The following FHAD1 variants were observed in gnomAD, a reference collection of about 807,000 sequenced individuals.
The protein encoded by FHAD1 is forkhead associated phosphopeptide binding domain 1.
Under a neutral mutation model 191.3 loss-of-function variants are expected in FHAD1, and 146 were observed. The ratio of observed to expected loss-of-function variants is 0.76; its 90% CI spans 0.67 to 0.88. The LOEUF (loss-of-function observed/expected upper bound fraction) is 0.88. FHAD1 is among the 40% of genes least tolerant of loss of function. The pLI is 0.00. For synonymous variants in FHAD1, 616 were observed against 672.3 expected (o/e 0.92, Z 1.29); for missense variants, 1,635 against 1,785.8 (o/e 0.92, Z 1.52).
intron 16 of FHAD1, among the ~76,000 whole-genome samples, chr1:15,342,655 T>C (rs1193422320): frequency 1.3e-5 from 2 of 152,166 alleles, no homozygotes; most frequent in African/African-American, 4.8e-5. Context: ...ATCACTGTCC[T>C]AGAGTTGGCC....
chr1:15,262,567 A>G (rs963212952), intron 2 of FHAD1, among the ~76,000 whole-genome samples: 2 of 152,184 alleles, frequency 1.3e-5, no homozygotes, highest in African/African-American at 4.8e-5. Flanking sequence ...CACAACATGT[A>G]TTTTGTGACT....
chr1:15,290,905 G>A (rs1399414642), intron 4 of FHAD1, among the ~76,000 whole-genome samples: 1 of 151,628 alleles, frequency 6.6e-6, no homozygotes, highest in Non-Finnish European at 1.5e-5. Flanking sequence ...TAGTAGAGAT[G>A]GGGTTTCACC....
intron 20 of FHAD1, among the ~76,000 whole-genome samples, chr1:15,357,516 G>C (rs1278232560): frequency 1.3e-5 from 2 of 151,924 alleles, no homozygotes; most frequent in Non-Finnish European, 2.9e-5. Context: ...CCAGCTACTT[G>C]GGAGGCTGAA....
chr1:15,288,712 G>T (rs184727904), intron 3 of FHAD1, among the ~76,000 whole-genome samples: 1 of 152,244 alleles, frequency 6.6e-6, no homozygotes, highest in Admixed American at 6.5e-5. Flanking sequence ...CCTTAGAGGG[G>T]ACATTCTCCT....
At chr1:15,248,197 A>C (rs1417328472) in intron 1 of FHAD1, among the ~76,000 whole-genome samples, 1 of 152,158 alleles carries the variant, frequency 6.6e-6, no homozygotes, top group Admixed American at 6.5e-5. Flanking sequence ...ACTGAGCACC[A>C]CTATGTGTCA....
intron 1 of FHAD1, among the ~76,000 whole-genome samples, chr1:15,251,283 A>AAC: frequency 9.0e-6 from 1 of 111,010 alleles, no homozygotes; most frequent in Middle Eastern, 4.2e-3. Context: ...CAAAAAAAAA[A>AAC]AACAAAAAAA....
chr1:15,400,865 G>A (rs1707092601), downstream of FHAD1, among the ~76,000 whole-genome samples: 1 of 152,228 alleles, frequency 6.6e-6, no homozygotes, highest in Non-Finnish European at 1.5e-5. Flanking sequence ...CACTTTTCAA[G>A]TTTCTACTTG....
At chr1:15,280,241 A>G (rs1319155469) in intron 3 of FHAD1, among the ~76,000 whole-genome samples, 1 of 152,190 alleles carries the variant, frequency 6.6e-6, no homozygotes, top group Admixed American at 6.5e-5. Flanking sequence ...ACACTTCAGA[A>G]GAAACGTCTC....
At position 15,358,139 on chromosome 1, in the gene FHAD1, C is replaced by T. The variant is rs539774929; in HGVS notation, c.2592C>T (p.Asp864=). The change falls in exon 21 of 34, where the codon GAC becomes GAT. Residue 864 remains aspartate, a synonymous_variant. Transcript: ENST00000688493. ...EELELKEQKE[D]VLNNKLSDAL... ...TAGAATTAAAAGAGCAAAAAGAGGA[C>T]GTTTTAAATAATAAATTAAGTGACG... The T allele has an allele frequency of 1.3e-6, 2 of 1,511,334 alleles. No individual in the cohort carries two copies. Among genetic ancestry groups the T allele is most frequent in the Non-Finnish European group, 1.8e-6 (2 of 1,136,954 alleles). 93.6% of individuals were successfully genotyped at this position (1,511,334 alleles called of 1,614,324 possible).
intron 4 of FHAD1, among the ~76,000 whole-genome samples, chr1:15,294,379 G>A (rs908082808): frequency 3.3e-5 from 5 of 152,166 alleles, no homozygotes; most frequent in Non-Finnish European, 5.9e-5. Flanking sequence ...CCAGATAATT[G>A]TTTGTTGTGG....
rs1403563235 is a variant in FHAD1, at chr1:15,311,636, T to G, written c.1040-1421T>G. Among the ~76,000 whole-genome samples, 8 of 152,190 alleles carry G rather than the reference T, an allele frequency of 5.3e-5. No individual in the cohort carries two copies. The highest frequency in any genetic ancestry group is 7.3e-5 in the Non-Finnish European group (5 of 68,028). On this transcript the variant is annotated intron_variant, in intron 7 of 33. Transcript: ENST00000688493. The surrounding 1 kb of genome is among the most constrained non-coding windows in gnomAD (Gnocchi z 4.1). ...TTATTACACATCCTTGATTGTGCAATAAAGATTGATTCTTGATTGATACCC... is the reference window on the plus strand; with the variant it reads ...TTATTACACATCCTTGATTGTGCAAGAAAGATTGATTCTTGATTGATACCC...
intron 6 of FHAD1, among the ~76,000 whole-genome samples, chr1:15,306,480 C>T (rs754453485): frequency 3.3e-5 from 5 of 152,200 alleles, no homozygotes; most frequent in African/African-American, 1.2e-4. Flanking sequence ...GGGAAAATGT[C>T]TCCAGGACAT....
At chr1:15,371,133 G>A (rs1233533338) in intron 26 of FHAD1, among the ~76,000 whole-genome samples, 1 of 152,170 alleles carries the variant, frequency 6.6e-6, no homozygotes, top group Non-Finnish European at 1.5e-5. Context: ...ACTCCTGTTG[G>A]AATCCCAGGC....
intron 16 of FHAD1, among the ~76,000 whole-genome samples, chr1:15,343,504 T>G (rs573602606): frequency 3.9e-5 from 6 of 151,934 alleles, no homozygotes; most frequent in Admixed American, 2.0e-4. Context: ...CCTCCAGACC[T>G]CTCCCTCTTT....
chr1:15,308,598 C>T lies in FHAD1; in HGVS notation c.916-15C>T. On this transcript the variant is annotated splice_polypyrimidine_tract_variant and intron_variant, in intron 6 of 33. Coordinates refer to ENST00000688493, the MANE Select transcript of FHAD1 (RefSeq NM_001391957.1). ...TGGGCCAGCCCCCCTCTGACTGTGC[C>T]ACCTCCTCCCACAGATCAGTGCCCT... 6.4e-7 allele frequency: 1 copy of T among 1,551,542 alleles called. No individual in the cohort carries two copies. The highest frequency in any genetic ancestry group is 2.0e-5 in the Admixed American group (1 of 50,978).
intron 2 of FHAD1, among the ~76,000 whole-genome samples, chr1:15,270,665 A>T (rs1327704407): frequency 2.0e-5 from 3 of 152,216 alleles, no homozygotes; most frequent in Admixed American, 2.0e-4. Context: ...AAAGCTGGAC[A>T]GGGCACCCTG....
At chr1:15,252,357 A>C (rs1379048150) in intron 2 of FHAD1, among the ~76,000 whole-genome samples, 1 of 152,230 alleles carries the variant, frequency 6.6e-6, no homozygotes, top group Admixed American at 6.5e-5. Flanking sequence ...TTTTAACTGC[A>C]TGCAGATTAA....
chr1:15,251,733 C>T (rs1465856109), intron 1 of FHAD1, 38 bp from the exon 2 acceptor site: 5 of 1,461,838 alleles, frequency 3.4e-6, no homozygotes, highest in African/African-American at 1.4e-5. Flanking sequence ...TAGAGAACTA[C>T]ATTTTCTAAC....
chr1:15,366,284 C>CAAAAAAA (rs35252287), intron 24 of FHAD1, among the ~76,000 whole-genome samples: 31 of 44,428 alleles, frequency 7.0e-4, no homozygotes, highest in African/African-American at 2.0e-3. Flanking sequence ...GACTCTGTCT[C>CAAAAAAA]AAAAAAAAAA....
Sources: allele counts gnomAD v4.1 joint callset (sites outside exome capture counted in the v4.1 genomes callset), GRCh38; gene constraint gnomAD v4.1.1; non-coding constraint Gnocchi (gnomAD v3.1); transcripts MANE v1.5; gene names NCBI Gene and HGNC (gene_info 2026-07-23, HGNC 2026-07-21).